The following SASH1 variants were observed in gnomAD, a reference collection of about 807,000 sequenced individuals.
The protein encoded by SASH1 is SAM and SH3 domain containing 1.
SASH1 carries 44 observed loss-of-function variants against 125.2 expected under a neutral mutation model. The ratio of observed to expected loss-of-function variants is 0.35; its 90% CI spans 0.28 to 0.45. The LOEUF (loss-of-function observed/expected upper bound fraction) is 0.45. Among genes scored for constraint, SASH1 ranks in the 20% least tolerant of loss-of-function variants. The pLI is 1.00. For missense variants in SASH1, 1,426 were observed against 1,614.5 expected, an observed-to-expected ratio of 0.88 and a Z score of 2.00; for synonymous variants, 639 against 649.1, an observed-to-expected ratio of 0.98 and a Z score of 0.24.
rs536029460 is a variant in SASH1 at position 148,534,579 on chromosome 6, T to G, written c.1945-172T>G. Among the ~76,000 whole-genome samples, 10 of 152,330 alleles carry G rather than the reference T, an allele frequency of 6.6e-5. No individual in the cohort carries two copies. In the South Asian group the frequency reaches 2.1e-3, roughly 32 times the overall value. On this transcript the variant is annotated intron_variant, in intron 15 of 19. Transcript: ENST00000367467. Reference sequence around the variant, plus strand: ...TTAATAAAACACCCTGCTTGCCTACTAAGCCAGAGGGCTGGGATGTACAGG... The same window carrying G: ...TTAATAAAACACCCTGCTTGCCTACGAAGCCAGAGGGCTGGGATGTACAGG...
At chr6:148,378,853 A>G (rs1489325250) in intron 1 of SASH1, among the ~76,000 whole-genome samples, 1 of 152,198 alleles carries the variant, frequency 6.6e-6, no homozygotes, top group Non-Finnish European at 1.5e-5. Context: ...GGTTCACTTT[A>G]TTGGTGTCAG....
chr6:148,362,375 A>G (rs1245687995), intron 1 of SASH1, among the ~76,000 whole-genome samples: 1 of 151,958 alleles, frequency 6.6e-6, no homozygotes, highest in East Asian at 1.9e-4. Context: ...GGCATGTGCC[A>G]CCATGCCTGG....
intron 1 of SASH1, among the ~76,000 whole-genome samples, chr6:148,368,945 T>C (rs1226213133): frequency 2.0e-5 from 3 of 152,206 alleles, no homozygotes; most frequent in Admixed American, 6.5e-5. Flanking sequence ...ATTCATATGA[T>C]GTGGGAAGTT....
At chr6:148,523,769 T>G (rs1780957655) in intron 10 of SASH1, among the ~76,000 whole-genome samples, 1 of 152,212 alleles carries the variant, frequency 6.6e-6, no homozygotes, top group South Asian at 2.1e-4. Flanking sequence ...TGTATTTGCA[T>G]ATTTGTAATG....
intron 1 of SASH1, among the ~76,000 whole-genome samples, chr6:148,279,192 T>C (rs905387135): frequency 6.6e-6 from 1 of 152,104 alleles, no homozygotes; most frequent in African/African-American, 2.4e-5. Flanking sequence ...GGTTTCACCA[T>C]GTTGCCCAGG....
intron 12 of SASH1, among the ~76,000 whole-genome samples, chr6:148,528,678 A>T (rs1157151590): frequency 6.6e-6 from 1 of 152,130 alleles, no homozygotes; most frequent in Non-Finnish European, 1.5e-5. Flanking sequence ...GGTGAAGTGG[A>T]GTGGATATTG....
At chr6:148,317,668 G>A (rs1373811886) in intron 1 of SASH1, among the ~76,000 whole-genome samples, 3 of 152,072 alleles carry the variant, frequency 2.0e-5, no homozygotes, top group Non-Finnish European at 2.9e-5. Flanking sequence ...CTTGTGATCC[G>A]CCTGCCTCGG....
chr6:148,531,812 C>CA (rs1781535169), intron 13 of SASH1, 151 bp downstream of exon 13: 1 of 592,588 alleles, frequency 1.7e-6, no homozygotes, highest in Non-Finnish European at 2.5e-6. Flanking sequence ...TCTCTGGACT[C>CA]AGAGTCGTGT....
chr6:148,223,864 A>G, the SASH1 span, among the ~76,000 whole-genome samples: 4 of 152,244 alleles, frequency 2.6e-5, no homozygotes, highest in Non-Finnish European at 5.9e-5. Flanking sequence ...ATTTGAAAAG[A>G]TCAGCCTCAA....
intron 4 of SASH1, among the ~76,000 whole-genome samples, chr6:148,443,158 AAAAAAAAAT>A (rs1776619525): frequency 8.5e-6 from 1 of 117,454 alleles, no homozygotes; most frequent in South Asian, 2.5e-4. Context: ...AAAAAAAAAA[AAAAAAAAAT>A]GGCTCACGGC....
chr6:148,547,487 G>A (rs796902811), intron 19 of SASH1, among the ~76,000 whole-genome samples: 4 of 152,252 alleles, frequency 2.6e-5, no homozygotes, highest in African/African-American at 2.4e-5. Context: ...TAAGCAGGGG[G>A]GTGGCTATTG....
intron 7 of SASH1, among the ~76,000 whole-genome samples, chr6:148,487,246 G>A (rs1440140110): frequency 6.6e-6 from 1 of 151,278 alleles, no homozygotes; most frequent in African/African-American, 2.4e-5. Flanking sequence ...TAATTCAGAG[G>A]CCAAATTACA....
At chr6:148,373,835 T>C (rs1040862787) in intron 1 of SASH1, among the ~76,000 whole-genome samples, 1 of 152,134 alleles carries the variant, frequency 6.6e-6, no homozygotes, top group Non-Finnish European at 1.5e-5. Flanking sequence ...TAGTTGAGCA[T>C]GATGGTGTGC....
chr6:148,343,362 C>A, intron 1 of SASH1, 139 bp downstream of exon 1: 2 of 686,074 alleles, frequency 2.9e-6, no homozygotes, highest in Non-Finnish European at 2.3e-6. Flanking sequence ...TCTTAGGGGG[C>A]TAAATACACA....
intron 4 of SASH1, among the ~76,000 whole-genome samples, chr6:148,456,178 C>T (rs1777335316): frequency 6.6e-6 from 1 of 152,172 alleles, no homozygotes; most frequent in Non-Finnish European, 1.5e-5. Context: ...TCCCCATCTG[C>T]CCTACTCCCT....
chr6:148,442,385 C>A (rs996182505), intron 4 of SASH1, among the ~76,000 whole-genome samples: 2 of 152,014 alleles, frequency 1.3e-5, no homozygotes, highest in Admixed American at 1.3e-4. Flanking sequence ...AGAACAAGAC[C>A]CCATCTCAAA....
intron 7 of SASH1, among the ~76,000 whole-genome samples, chr6:148,486,702 C>A (rs1356122408): frequency 6.9e-6 from 1 of 144,928 alleles, no homozygotes; most frequent in African/African-American, 2.6e-5. Context: ...AACACTTGAG[C>A]TTAGGATTTT....
At chr6:148,516,496 TC>T (rs1243666757) in intron 9 of SASH1, among the ~76,000 whole-genome samples, 6 of 9,168 alleles carry the variant, frequency 6.5e-4, no homozygotes, top group Admixed American at 1.3e-3. Context: ...AGGCGCCCCC[TC>T]CCCCCTCCCC....
At position 148,532,660 on chromosome 6, in the gene SASH1, T is replaced by C. The variant is rs907072918; in HGVS notation, c.1565-137T>C. ...AATTCATAACTGGGCCCTGCCCTGG[T>C]CCTGACAGAGGGTTGTGGCTCAAGG... is the stretch of plus-strand genomic sequence containing the variant. On this transcript the variant is annotated intron_variant, in intron 13 of 19. Transcript: ENST00000367467. The surrounding 1 kb of genome is among the most constrained non-coding windows in gnomAD (Gnocchi z 4.7). The C allele has an allele frequency of 1.6e-4, 154 of 989,652 alleles. No homozygotes were observed. The highest frequency in any genetic ancestry group is 2.1e-4 in the Non-Finnish European group (141 of 658,778). The allele number at this position is 989,652 out of a possible 1,614,324, so 61.3% of individuals were successfully genotyped here.
Sources: gnomAD v4.1 joint callset for allele counts (sites outside exome capture counted in the v4.1 genomes callset) on GRCh38, gnomAD v4.1.1 for gene constraint, Gnocchi (gnomAD v3.1) non-coding constraint, MANE v1.5 for transcripts, NCBI Gene and HGNC (gene_info 2026-07-23, HGNC 2026-07-21) for gene names.